Variants in INSL6 observed in about 807,000 individuals in gnomAD.
INSL6 encodes insulin-like peptide INSL6.
In INSL6, 16 loss-of-function variants were observed where a neutral mutation model predicts 9.4. The observed-to-expected ratio is 1.70, with a 90% confidence interval of 1.15 to 2.59. INSL6 has a LOEUF of 2.59. INSL6 is among the 30% of genes most tolerant of loss of function. The pLI is 0.00. For synonymous variants in INSL6, 154 were observed against 96.9 expected (o/e 1.59, Z -3.46); for missense variants, 391 against 257.3 (o/e 1.52, Z -3.56).
At chr9:5,065,750 G>C in the INSL6 span, among the ~76,000 whole-genome samples, 35,150 of 152,042 alleles carry the variant, frequency 0.23, 4,477 homozygotes, top group South Asian at 0.3. Flanking sequence ...CTCTTAGCTA[G>C]GATGTGGTTT....
At chr9:5,131,073 G>A (rs1731884994) in intron 3 of INSL6, among the ~76,000 whole-genome samples, 1 of 151,922 alleles carries the variant, frequency 6.6e-6, no homozygotes. Context: ...ATTGTGAGTT[G>A]GAATTTATTT....
At chr9:5,026,174 T>G in the INSL6 span, among the ~76,000 whole-genome samples, 1 of 152,234 alleles carries the variant, frequency 6.6e-6, no homozygotes, top group Non-Finnish European at 1.5e-5. Context: ...TCATTTGCTC[T>G]TATTTTCTAA....
At chr9:5,155,299 G>A (rs191846006) in intron 2 of INSL6, among the ~76,000 whole-genome samples, 1 of 146,530 alleles carries the variant, frequency 6.8e-6, no homozygotes, top group Non-Finnish European at 1.5e-5. Flanking sequence ...CATTGGAAGG[G>A]GAACATCACA....
the INSL6 span, among the ~76,000 whole-genome samples, chr9:5,051,543 C>G: frequency 6.6e-6 from 1 of 152,086 alleles, no homozygotes; most frequent in Non-Finnish European, 1.5e-5. Flanking sequence ...CTAGGGTATT[C>G]TTATACAAAT....
the INSL6 span, among the ~76,000 whole-genome samples, chr9:5,033,919 T>C: frequency 2.0e-5 from 3 of 152,184 alleles, no homozygotes; most frequent in Non-Finnish European, 2.9e-5. Flanking sequence ...ATGGGCTAAA[T>C]GCTCCAATTA....
chr9:5,020,178 G>A, the INSL6 span, among the ~76,000 whole-genome samples: 2 of 152,164 alleles, frequency 1.3e-5, no homozygotes, highest in African/African-American at 2.4e-5. Flanking sequence ...CAGTGACGGC[G>A]ATTGGCTGGG....
At chr9:5,052,387 A>C in the INSL6 span, among the ~76,000 whole-genome samples, 4 of 152,076 alleles carry the variant, frequency 2.6e-5, no homozygotes, top group Non-Finnish European at 5.9e-5. Context: ...ATATAAACAC[A>C]GATGCAAAAT....
rs566084937 is a variant in INSL6 at position 5,171,708 on chromosome 9, G to A, written c.290-7443C>T. Among the ~76,000 whole-genome samples, 3 of 152,294 alleles carry A rather than the reference G, an allele frequency of 2.0e-5. No homozygotes were observed. In the East Asian group the frequency reaches 5.8e-4, roughly 29 times the overall value. On this transcript the variant is annotated intron_variant, in intron 1 of 1. Coordinates refer to ENST00000381641, the MANE Select transcript of INSL6 (RefSeq NM_007179.3). ...CCTGTATACCAAGAACAAGAAAGCA[G>A]AGAGCTGAATTATGAATGAACTCCT... is the stretch of plus-strand genomic sequence containing the variant.
At chr9:5,164,301 A>T (rs1427309421) in intron 1 of INSL6, 36 bp from the exon 2 acceptor site, 1 of 1,334,856 alleles carries the variant, frequency 7.5e-7, no homozygotes, top group Admixed American at 1.9e-5. Flanking sequence ...CTCCTTTATT[A>T]AAATCTTCCT....
chr9:5,082,990 T>C, the INSL6 span, among the ~76,000 whole-genome samples: 1 of 152,352 alleles, frequency 6.6e-6, no homozygotes, highest in Non-Finnish European at 1.5e-5. Flanking sequence ...CTCTCTTTCT[T>C]TTCCCTATAA....
intron 3 of INSL6, among the ~76,000 whole-genome samples, chr9:5,131,492 C>T (rs998571620): frequency 5.9e-5 from 8 of 135,622 alleles, no homozygotes; most frequent in South Asian, 4.5e-4. Flanking sequence ...GGCTGGAGTG[C>T]AATGGCGTGA....
the INSL6 span, among the ~76,000 whole-genome samples, chr9:5,030,230 A>T: frequency 6.6e-6 from 1 of 152,212 alleles, no homozygotes; most frequent in Non-Finnish European, 1.5e-5. Context: ...TGGTTTGTGC[A>T]GCGTTTTGTG....
At chr9:5,148,152 T>A (rs531034197) in intron 2 of INSL6, among the ~76,000 whole-genome samples, 2 of 152,202 alleles carry the variant, frequency 1.3e-5, no homozygotes, top group East Asian at 3.8e-4. Flanking sequence ...TTCTTTCTCA[T>A]CTGGGAGAGC....
At chr9:5,106,668 A>G in the INSL6 span, among the ~76,000 whole-genome samples, 2 of 152,230 alleles carry the variant, frequency 1.3e-5, no homozygotes, top group Non-Finnish European at 2.9e-5. Context: ...CATCAATGAT[A>G]GACTGGATAA....
intron 2 of INSL6, among the ~76,000 whole-genome samples, chr9:5,140,551 TA>T (rs1824476980): frequency 1.3e-5 from 2 of 152,108 alleles, no homozygotes; most frequent in South Asian, 4.2e-4. Flanking sequence ...ACATCACTAT[TA>T]GGTCATTCTT....
intron 1 of INSL6, among the ~76,000 whole-genome samples, chr9:5,181,794 C>G (rs1033216816): frequency 6.6e-6 from 1 of 152,004 alleles, no homozygotes; most frequent in Non-Finnish European, 1.5e-5. Context: ...AATATATAAA[C>G]AGGAAATTTT....
chr9:5,182,674 T>C (rs1825483854), intron 1 of INSL6, among the ~76,000 whole-genome samples: 1 of 152,006 alleles, frequency 6.6e-6, no homozygotes, highest in African/African-American at 2.4e-5. Context: ...ATATGTGACA[T>C]GAAGACTAAG....
At chr9:5,171,933 C>T (rs896387870) in intron 1 of INSL6, among the ~76,000 whole-genome samples, 2 of 152,140 alleles carry the variant, frequency 1.3e-5, no homozygotes, top group Non-Finnish European at 2.9e-5. Flanking sequence ...AGTTTCAATG[C>T]TATTCCCATC....
chr9:5,051,086 C>T, the INSL6 span, among the ~76,000 whole-genome samples: 3 of 152,072 alleles, frequency 2.0e-5, no homozygotes, highest in Admixed American at 1.3e-4. Flanking sequence ...ATCATGTTGA[C>T]GTTCAAAAAG....
Sources: allele counts gnomAD v4.1 joint callset (sites outside exome capture counted in the v4.1 genomes callset), GRCh38; gene constraint gnomAD v4.1.1; transcripts MANE v1.5; gene names NCBI Gene and HGNC (gene_info 2026-07-23, HGNC 2026-07-21).